Variants in KMT2C observed in about 807,000 individuals in gnomAD.
KMT2C encodes the protein lysine methyltransferase 2C, also known as histone-lysine N-methyltransferase 2C.
KMT2C carries 88 observed loss-of-function variants against 507.9 expected under a neutral mutation model. That is an observed-to-expected ratio of 0.17 (90% CI 0.15 to 0.21). The LOEUF is 0.21. Ranked by LOEUF, KMT2C falls within the 10% of genes least tolerant of loss-of-function variation. The probability of loss-of-function intolerance (pLI) is 1.00; values close to 1 mark genes in which losing one functional copy is unlikely to be tolerated. For missense variants in KMT2C, 4,954 were observed against 5,957.8 expected (o/e 0.83, Z 5.55); for synonymous variants, 2,049 against 2,080.8 (o/e 0.98, Z 0.42).
chr7:152,211,501 T>C (rs1461745892), intron 23 of KMT2C, among the ~76,000 whole-genome samples: 4 of 152,236 alleles, frequency 2.6e-5, no homozygotes, highest in Non-Finnish European at 5.9e-5. Context: ...TAATGGTTTG[T>C]GGCCAAGGAT....
chr7:152,297,631 C>G (rs2096528621), intron 6 of KMT2C, among the ~76,000 whole-genome samples: 1 of 152,154 alleles, frequency 6.6e-6, no homozygotes, highest in South Asian at 2.1e-4. Context: ...TAGTCCTGGA[C>G]TAAGCACTCC....
intron 48 of KMT2C, among the ~76,000 whole-genome samples, chr7:152,153,556 A>T (rs2091816076): frequency 6.6e-6 from 1 of 152,142 alleles, no homozygotes; most frequent in African/African-American, 2.4e-5. Flanking sequence ...TTCTCTGTTA[A>T]CAGTTACAAA....
chr7:152,321,196 T>C (rs2096770088), intron 3 of KMT2C, among the ~76,000 whole-genome samples: 1 of 151,930 alleles, frequency 6.6e-6, no homozygotes, highest in South Asian at 2.1e-4. Context: ...ATCGCACCAT[T>C]GCATAGCCTG....
In KMT2C at chr7:152,163,249, C is replaced by T. The variant is rs780028786; in HGVS notation, c.10328G>A (p.Ser3443Asn). The T allele has an allele frequency of 6.2e-7, 1 of 1,614,216 alleles. No individual in the cohort carries two copies. Among genetic ancestry groups the T allele is most frequent in the South Asian group, 1.1e-5 (1 of 91,086 alleles). The change falls in exon 43 of 59, where the codon AGT (serine) becomes AAT (asparagine). Residue 3443 changes from serine to asparagine, a missense_variant. By Grantham distance (46) the Ser-to-Asn change is conservative. This residue lies in a region of KMT2C where 801 missense variants were observed against 751.2 expected (regional missense o/e 1.07). Transcript: ENST00000262189. ...AATCTGGGACACAGATGTCCTACTA[C>T]TACTTATCTCAGAGCCCACCATACC... ...QHGMVGSEIS[S>N]SRTSVSQIPF... is the part of the protein sequence containing the mutation.
At chr7:152,241,076 G>A (rs190897614) in intron 14 of KMT2C, among the ~76,000 whole-genome samples, 3 of 152,144 alleles carry the variant, frequency 2.0e-5, no homozygotes, top group Non-Finnish European at 2.9e-5. Context: ...CCGCTGCTAC[G>A]CTCCAGCTAT....
chr7:152,371,332 A>G (rs551478596), intron 1 of KMT2C, among the ~76,000 whole-genome samples: 4 of 152,286 alleles, frequency 2.6e-5, no homozygotes, highest in South Asian at 2.1e-4. Context: ...TATTAACACT[A>G]TAAGATGTTT....
chr7:152,303,242 G>A (rs772810424), intron 6 of KMT2C, among the ~76,000 whole-genome samples: 2 of 152,174 alleles, frequency 1.3e-5, no homozygotes, highest in Admixed American at 6.5e-5. Context: ...GTTAACAACC[G>A]AGGAAATTAC....
At chr7:152,363,040 T>C (rs1563994609) in intron 1 of KMT2C, among the ~76,000 whole-genome samples, 1 of 152,206 alleles carries the variant, frequency 6.6e-6, no homozygotes, top group East Asian at 1.9e-4. Flanking sequence ...TTCTGACTAA[T>C]CAAACACTAT....
intron 9 of KMT2C, 45 bp downstream of exon 9, chr7:152,262,970 TA>T: frequency 6.9e-7 from 1 of 1,441,950 alleles, no homozygotes. Flanking sequence ...GGTCTCCATA[TA>T]AAACATAGAG....
At chr7:152,174,567 C>T (rs2093110270) in intron 38 of KMT2C, among the ~76,000 whole-genome samples, 1 of 152,076 alleles carries the variant, frequency 6.6e-6, no homozygotes, top group Non-Finnish European at 1.5e-5. Flanking sequence ...TATAACATCA[C>T]AAATAAGAAT....
chr7:152,430,372 A>G (rs1386102423), intron 1 of KMT2C, among the ~76,000 whole-genome samples: 1 of 152,142 alleles, frequency 6.6e-6, no homozygotes, highest in East Asian at 1.9e-4. Flanking sequence ...ATATAGAAAA[A>G]AAAAAGTAAA....
chr7:152,271,680 A>C (rs2095975605), intron 7 of KMT2C, among the ~76,000 whole-genome samples: 2 of 151,448 alleles, frequency 1.3e-5, no homozygotes, highest in African/African-American at 2.4e-5. Context: ...TCTCAAAAAA[A>C]AAAAAAAAAA....
intron 22 of KMT2C, among the ~76,000 whole-genome samples, chr7:152,221,688 C>T (rs1239936296): frequency 6.6e-6 from 1 of 152,114 alleles, no homozygotes; most frequent in Non-Finnish European, 1.5e-5. Context: ...GAAATCTGTT[C>T]GCTAACTAGG....
chr7:152,355,066 A>T (rs541929694), intron 2 of KMT2C, among the ~76,000 whole-genome samples: 2 of 152,316 alleles, frequency 1.3e-5, no homozygotes, highest in East Asian at 3.9e-4. Flanking sequence ...TGGAGGGGTC[A>T]AAGTAATTGA....
chr7:152,428,929 C>CAT (rs1483437445), intron 1 of KMT2C, among the ~76,000 whole-genome samples: 1 of 152,180 alleles, frequency 6.6e-6, no homozygotes, highest in East Asian at 1.9e-4. Flanking sequence ...AGCCCAAACT[C>CAT]ATGAGTCTGG....
chr7:152,407,670 TC>T, intron 1 of KMT2C, among the ~76,000 whole-genome samples: 1 of 20,764 alleles, frequency 4.8e-5, no homozygotes, highest in African/African-American at 1.6e-4. Context: ...AGACTCTGTC[TC>T]AAAAAAAAAA....
At chr7:152,358,543 C>T (rs1416863904) in intron 2 of KMT2C, 44 bp downstream of exon 2, 11 of 1,211,708 alleles carry the variant, frequency 9.1e-6, no homozygotes, top group Non-Finnish European at 1.2e-6. Flanking sequence ...CAAACATATG[C>T]AAAGCATCAT....
At chr7:152,402,015 C>A (rs1384172691) in intron 1 of KMT2C, among the ~76,000 whole-genome samples, 1 of 152,282 alleles carries the variant, frequency 6.6e-6, no homozygotes, top group Non-Finnish European at 1.5e-5. Flanking sequence ...GAGGCTGAGA[C>A]AGGAGAATCG....
intron 23 of KMT2C, among the ~76,000 whole-genome samples, chr7:152,210,461 A>G (rs2094429605): frequency 2.0e-5 from 3 of 152,210 alleles, no homozygotes; most frequent in South Asian, 2.1e-4. Context: ...AGCTTGTCCA[A>G]CCTGCAGCCA....
Sources: allele counts gnomAD v4.1 joint callset (sites outside exome capture counted in the v4.1 genomes callset), GRCh38; gene constraint gnomAD v4.1.1; regional missense constraint gnomAD v4.1.1; transcripts MANE v1.5; gene names NCBI Gene and HGNC (gene_info 2026-07-23, HGNC 2026-07-21).